HACE1: variants seen among roughly 807,000 people sequenced by gnomAD.
HACE1 encodes the protein HECT domain and ankyrin repeat containing E3 ubiquitin protein ligase 1.
Under a neutral mutation model 118.4 loss-of-function variants are expected in HACE1, and 73 were observed. The ratio of observed to expected loss-of-function variants is 0.62; its 90% CI spans 0.51 to 0.75. The LOEUF is 0.75. HACE1 is among the 30% of genes least tolerant of loss of function. HACE1 has a pLI of 0.00. For missense variants in HACE1, 749 were observed against 1,102.2 expected (o/e 0.68, Z 4.54); for synonymous variants, 368 against 374.8 (o/e 0.98, Z 0.21).
chr6:104,777,414 A>G, intron 14 of HACE1, 97 bp from the exon 15 acceptor site: 6 of 776,650 alleles, frequency 7.7e-6, no homozygotes, highest in Middle Eastern at 2.3e-4. Context: ...ACAAATAATC[A>G]TTCTTAGATC....
At chr6:104,839,695 C>A (rs1434012405) in intron 5 of HACE1, among the ~76,000 whole-genome samples, 1 of 152,024 alleles carries the variant, frequency 6.6e-6, no homozygotes, top group Non-Finnish European at 1.5e-5. Flanking sequence ...CATAAACATA[C>A]ACACACACAT....
chr6:104,837,315 T>C (rs1053245924), intron 5 of HACE1, among the ~76,000 whole-genome samples: 2 of 152,166 alleles, frequency 1.3e-5, no homozygotes, highest in African/African-American at 2.4e-5. Context: ...GGAATGAATA[T>C]AAAGTCCACA....
chr6:104,758,984 T>C (rs1159942946), intron 19 of HACE1, among the ~76,000 whole-genome samples: 1 of 152,148 alleles, frequency 6.6e-6, no homozygotes, highest in Non-Finnish European at 1.5e-5. Context: ...AAAGGATCAA[T>C]GCAACAAGAA....
chr6:104,780,472 C>T, intron 14 of HACE1: 1 of 346,786 alleles, frequency 2.9e-6, no homozygotes, highest in South Asian at 2.3e-5. Flanking sequence ...AAACCACCAA[C>T]AGAAGAAGAA....
intron 14 of HACE1, among the ~76,000 whole-genome samples, chr6:104,782,808 C>T (rs1781880198): frequency 6.6e-6 from 1 of 152,128 alleles, no homozygotes; most frequent in Admixed American, 6.6e-5. Context: ...CATAGCTTAA[C>T]TTCTGAAAGG....
intron 4 of HACE1, among the ~76,000 whole-genome samples, chr6:104,846,100 G>A (rs1161777736): frequency 2.6e-5 from 4 of 152,192 alleles, no homozygotes. Context: ...AATCTATAAT[G>A]CTTCCCCTTC....
intron 7 of HACE1, among the ~76,000 whole-genome samples, chr6:104,799,635 T>C (rs150558915): frequency 1.7e-3 from 253 of 152,304 alleles, no homozygotes; most frequent in Admixed American, 4.7e-3. Context: ...AGACCAGAAT[T>C]TGAATCTGCA....
chr6:104,849,060 G>T (rs781424992), intron 4 of HACE1, 82 bp downstream of exon 4: 2 of 802,936 alleles, frequency 2.5e-6, no homozygotes, highest in African/African-American at 1.7e-5. Context: ...TCAGGGATGC[G>T]GGAGGAATCA....
intron 17 of HACE1, among the ~76,000 whole-genome samples, chr6:104,774,080 C>CTCTTTTTTTTTTTTT (rs1780927579): frequency 1.3e-4 from 10 of 74,844 alleles, no homozygotes; most frequent in African/African-American, 8.0e-4. Flanking sequence ...CATCTTTTCT[C>CTCTTTTTTTTTTTTT]TTTTTTTTTT....
intron 19 of HACE1, chr6:104,766,762 C>A (rs1225696578): frequency 6.6e-6 from 1 of 152,154 alleles, no homozygotes; most frequent in African/African-American, 2.4e-5. Flanking sequence ...AAGTTTTGTG[C>A]CCTCGGGCAG....
chr6:104,849,125 G>C lies in HACE1; in HGVS notation c.326+17C>G. The C allele has an allele frequency of 1.4e-6, 2 of 1,401,650 alleles. No homozygotes were observed. Among genetic ancestry groups the C allele is most frequent in the Non-Finnish European group, 2.0e-6 (2 of 986,128 alleles). 86.8% of individuals were successfully genotyped at this position (1,401,650 alleles called of 1,614,324 possible). Reference sequence around the variant, plus strand: ...TGATAATACAACTTAAGCCACTTAAGAAAACTAAATAGTTACCCATTTCTT... The same window carrying C: ...TGATAATACAACTTAAGCCACTTAACAAAACTAAATAGTTACCCATTTCTT... On this transcript the variant is annotated intron_variant, in intron 4 of 23. Coordinates refer to ENST00000262903, the MANE Select transcript of HACE1 (RefSeq NM_020771.4).
intron 22 of HACE1, among the ~76,000 whole-genome samples, chr6:104,737,011 C>T (rs893182964): frequency 1.6e-4 from 25 of 151,838 alleles, no homozygotes; most frequent in Admixed American, 1.3e-3. Flanking sequence ...AGGCCAGGCA[C>T]GGTGGCTCAC....
intron 14 of HACE1, among the ~76,000 whole-genome samples, chr6:104,779,482 G>T (rs1781522266): frequency 6.6e-6 from 1 of 152,098 alleles, no homozygotes; most frequent in Admixed American, 6.6e-5. Flanking sequence ...GTGTAATTTT[G>T]TCCATACTTG....
Position 104,814,015 on chromosome 6 carries a change from A to C in HACE1, c.535-2622T>G, listed in dbSNP as rs537863577. On this transcript the variant is annotated intron_variant, in intron 6 of 23. Transcript: ENST00000262903. ...AAAATTCAACAGAAGTTTAAAAAGA[A>C]AATGTTCAGGAATTCTACAAAGTAG... is the stretch of plus-strand genomic sequence containing the variant. Among the ~76,000 whole-genome samples, 167 of 138,412 alleles carry C rather than the reference A, an allele frequency of 1.2e-3. 23 individuals carry two copies. The highest frequency in any genetic ancestry group is 4.4e-3 in the Admixed American group (62 of 14,020). The allele number at this position is 138,412 out of a possible 152,430, so 90.8% of individuals were successfully genotyped here. A position where few individuals can be genotyped will look rare whatever the true frequency, so the allele number is the denominator to read the frequency against.
intron 5 of HACE1, among the ~76,000 whole-genome samples, chr6:104,842,525 C>T (rs1043971394): frequency 1.3e-5 from 2 of 151,786 alleles, no homozygotes; most frequent in Non-Finnish European, 2.9e-5. Flanking sequence ...CCTCTGTTAC[C>T]TTTTTTATTC....
intron 14 of HACE1, 60 bp downstream of exon 14, chr6:104,784,026 A>T: frequency 1.2e-6 from 1 of 848,282 alleles, no homozygotes; most frequent in Non-Finnish European, 2.0e-6. Flanking sequence ...ACTAAACAGT[A>T]TTAGAATTTT....
rs1157537207 is a variant in HACE1 at position 104,740,310 on chromosome 6, C to T, written c.2513+3850G>A. 1.7e-4 allele frequency among the ~76,000 whole-genome samples: 25 copies of T among 149,188 alleles called. 1 individual carries two copies. The South Asian group carries it at 5.2e-3, about 31-fold the overall frequency. ...AAAGCTAGCAGAAGGCAAGAAATAA[C>T]TAAAATCAGAGCAGAACTGAAGGAA... On this transcript the variant is annotated intron_variant, in intron 22 of 23. Coordinates refer to ENST00000262903, the MANE Select transcript of HACE1 (RefSeq NM_020771.4).
At chr6:104,779,816 G>A (rs957157793) in intron 14 of HACE1, among the ~76,000 whole-genome samples, 68 of 152,016 alleles carry the variant, frequency 4.5e-4, no homozygotes, top group African/African-American at 1.4e-3. Flanking sequence ...CCTACTTCAA[G>A]AGCTGTTAGG....
At chr6:104,835,720 G>A (rs1322981273) in intron 5 of HACE1, among the ~76,000 whole-genome samples, 3 of 152,116 alleles carry the variant, frequency 2.0e-5, no homozygotes, top group African/African-American at 7.2e-5. Context: ...GGTTGATAGG[G>A]TCTCAATATT....
Sources: allele counts gnomAD v4.1 joint callset (sites outside exome capture counted in the v4.1 genomes callset), GRCh38; gene constraint gnomAD v4.1.1; transcripts MANE v1.5; gene names NCBI Gene and HGNC (gene_info 2026-07-23, HGNC 2026-07-21).